Variants in SNTG2 observed in about 807,000 individuals in gnomAD.
SNTG2 encodes syntrophin gamma 2.
In SNTG2, 74 loss-of-function variants were observed where a neutral mutation model predicts 70.9. The ratio of observed to expected loss-of-function variants is 1.04; its 90% CI spans 0.86 to 1.27. The LOEUF (loss-of-function observed/expected upper bound fraction) is 1.27. SNTG2 is among the 50% of genes most tolerant of loss of function. SNTG2 has a pLI of 0.00. For missense variants in SNTG2, 717 were observed against 690.7 expected (o/e 1.04, Z -0.43); for synonymous variants, 278 against 273.8 (o/e 1.02, Z -0.15).
intron 6 of SNTG2, among the ~76,000 whole-genome samples, chr2:1,144,962 G>T (rs776866592): frequency 4.6e-5 from 7 of 152,186 alleles, no homozygotes; most frequent in Non-Finnish European, 1.0e-4. Flanking sequence ...TAAACAGTAC[G>T]CTTCTAAATA....
intron 1 of SNTG2, among the ~76,000 whole-genome samples, chr2:1,082,593 C>T (rs1664406497): frequency 2.0e-5 from 3 of 152,214 alleles, no homozygotes; most frequent in African/African-American, 4.8e-5. Flanking sequence ...TGGCCTCCAG[C>T]TGTGCCCATC....
intron 4 of SNTG2, among the ~76,000 whole-genome samples, chr2:1,131,416 T>G (rs1336137791): frequency 6.6e-6 from 1 of 152,114 alleles, no homozygotes; most frequent in Non-Finnish European, 1.5e-5. Context: ...CTTCAAGTTG[T>G]TTTTGGCAAA....
At chr2:1,302,553 A>AG (rs957372301) in intron 14 of SNTG2, among the ~76,000 whole-genome samples, 4 of 151,974 alleles carry the variant, frequency 2.6e-5, no homozygotes, top group African/African-American at 9.7e-5. Context: ...AAAAAAAAAA[A>AG]AAAAAGTTTA....
chr2:1,294,845 T>C (rs1680135074), intron 14 of SNTG2, among the ~76,000 whole-genome samples: 1 of 152,184 alleles, frequency 6.6e-6, no homozygotes, highest in African/African-American at 2.4e-5. Context: ...AATAACACAG[T>C]GTCTGGAGGA....
intron 9 of SNTG2, among the ~76,000 whole-genome samples, chr2:1,222,114 T>C (rs1182494595): frequency 1.1e-5 from 1 of 89,304 alleles, no homozygotes; most frequent in African/African-American, 4.4e-5. Flanking sequence ...TGTCTCTCTC[T>C]GTCTCTCTCT....
At chr2:1,148,332 G>A (rs1397669954) in intron 6 of SNTG2, among the ~76,000 whole-genome samples, 2 of 152,212 alleles carry the variant, frequency 1.3e-5, no homozygotes, top group Non-Finnish European at 2.9e-5. Context: ...AGAAGAGAGG[G>A]CCTGGCAGCT....
Position 1,199,840 on chromosome 2 carries a change from A to G in SNTG2, c.592-9263A>G, listed in dbSNP as rs181737712. Among the ~76,000 whole-genome samples, 502 of 152,226 alleles carry G rather than the reference A, an allele frequency of 3.3e-3. 4 individuals are homozygous for G. Among genetic ancestry groups the G allele is most frequent in the African/African-American group, 0.011 (465 of 41,574 alleles). On this transcript the variant is annotated intron_variant, in intron 8 of 16. Coordinates refer to ENST00000308624, the MANE Select transcript of SNTG2 (RefSeq NM_018968.4). ...AAATGACCTCTACAAGAAAAACTAC[A>G]AAACATTGTTGAAAGAAATTGAAGA...
At position 1,151,632 on chromosome 2, in the gene SNTG2, T is replaced by A. The variant is rs1019941325; in HGVS notation, c.411+13823T>A. Reference sequence around the variant, plus strand: ...CAATGCTTTCCTGTTCATATTTAGATTTTTATGACTTATATTATTCTTTAG... The same window carrying A: ...CAATGCTTTCCTGTTCATATTTAGAATTTTATGACTTATATTATTCTTTAG... On this transcript the variant is annotated intron_variant, in intron 6 of 16. Coordinates refer to ENST00000308624, the MANE Select transcript of SNTG2 (RefSeq NM_018968.4). 2.0e-5 allele frequency among the ~76,000 whole-genome samples: 3 copies of A among 152,206 alleles called. No homozygotes were observed. In the East Asian group the frequency reaches 5.8e-4, roughly 29 times the overall value.
chr2:1,111,931 ATCGTGTG>A (rs1666479987), intron 4 of SNTG2, among the ~76,000 whole-genome samples: 1 of 120,450 alleles, frequency 8.3e-6, no homozygotes, highest in Non-Finnish European at 1.9e-5. Flanking sequence ...TTTGAGGAGG[ATCGTGTG>A]TACTAAGTGA....
In SNTG2 at chr2:1,071,159, C is replaced by T. The variant is rs189939793; in HGVS notation, c.73-12359C>T. Among the ~76,000 whole-genome samples the T allele has an allele frequency of 2.5e-3, 379 of 152,102 alleles. 1 individual carries two copies. Among genetic ancestry groups the T allele is most frequent in the African/African-American group, 8.9e-3 (367 of 41,468 alleles). ...AACTAGAGAAGATCTGGGTATATACCCAAATGACTATAAATCATGCTGCTA... is the reference window on the plus strand; with the variant it reads ...AACTAGAGAAGATCTGGGTATATACTCAAATGACTATAAATCATGCTGCTA... On this transcript the variant is annotated intron_variant, in intron 1 of 16. Transcript: ENST00000308624.
At chr2:1,128,730 T>A (rs7580578) in intron 4 of SNTG2, among the ~76,000 whole-genome samples, 1 of 151,322 alleles carries the variant, frequency 6.6e-6, no homozygotes, top group Non-Finnish European at 1.5e-5. Flanking sequence ...TTCTGCTTGG[T>A]GTTTTCTTGT....
chr2:1,320,557 GA>G (rs1224932537), intron 16 of SNTG2, among the ~76,000 whole-genome samples: 66 of 142,070 alleles, frequency 4.6e-4, no homozygotes, highest in South Asian at 1.6e-3. Context: ...AAAAAAGAAA[GA>G]AAAAAAGAAA....
At chr2:1,358,371 C>A (rs1302262256) in intron 16 of SNTG2, among the ~76,000 whole-genome samples, 1 of 93,192 alleles carries the variant, frequency 1.1e-5, no homozygotes, top group African/African-American at 3.9e-5. Context: ...TAGTTCTGCT[C>A]CAATCTTTAT....
intron 6 of SNTG2, chr2:1,163,149 G>A (rs1251315832): frequency 6.6e-6 from 1 of 152,178 alleles, no homozygotes; most frequent in East Asian, 1.9e-4. Flanking sequence ...CCAACAGGAA[G>A]TGGGCGTGTG....
intron 12 of SNTG2, among the ~76,000 whole-genome samples, chr2:1,248,335 G>A (rs1440653025): frequency 2.6e-5 from 4 of 152,194 alleles, no homozygotes; most frequent in African/African-American, 9.7e-5. Flanking sequence ...CAACTTACGT[G>A]GCCATGGAGC....
chr2:1,201,098 C>G (rs1363515679), intron 8 of SNTG2, among the ~76,000 whole-genome samples: 1 of 152,002 alleles, frequency 6.6e-6, no homozygotes, highest in Non-Finnish European at 1.5e-5. Context: ...CCTGTACCCA[C>G]ATGTTTATTG....
At chr2:1,321,872 CCCTCCTTCCTTCCTT>C (rs1457034228) in intron 16 of SNTG2, among the ~76,000 whole-genome samples, 1 of 151,720 alleles carries the variant, frequency 6.6e-6, no homozygotes. Flanking sequence ...CTTTCTTCCT[CCCTCCTTCCTTCCTT>C]CCTTTCCTTC....
chr2:1,168,146 A>G (rs57182874), intron 7 of SNTG2, among the ~76,000 whole-genome samples: 88 of 114,788 alleles, frequency 7.7e-4, no homozygotes, highest in Non-Finnish European at 1.2e-3. Flanking sequence ...CAGAACTGAA[A>G]CCTACAAGCC....
intron 16 of SNTG2, among the ~76,000 whole-genome samples, chr2:1,352,415 T>C (rs1660628588): frequency 6.6e-6 from 1 of 152,236 alleles, no homozygotes; most frequent in South Asian, 2.1e-4. Context: ...CCTCTGCCCA[T>C]TGAGCTCCTG....
Sources: allele counts gnomAD v4.1 joint callset (sites outside exome capture counted in the v4.1 genomes callset), GRCh38; gene constraint gnomAD v4.1.1; transcripts MANE v1.5; gene names NCBI Gene and HGNC (gene_info 2026-07-23, HGNC 2026-07-21).